SLC20A2: variants seen among roughly 807,000 people sequenced by gnomAD.
SLC20A2 encodes solute carrier family 20 member 2, also known as sodium-dependent phosphate transporter 2.
A neutral mutation model predicts 61.0 loss-of-function variants in SLC20A2; 30 were observed. That is an observed-to-expected ratio of 0.49 (90% CI 0.37 to 0.67). SLC20A2 has a LOEUF of 0.67. SLC20A2 is among the 30% of genes least tolerant of loss of function. The pLI is 0.00. For missense variants in SLC20A2, 626 were observed against 866.4 expected (o/e 0.72, Z 3.48); for synonymous variants, 351 against 353.3 (o/e 0.99, Z 0.07).
At chr8:42,523,485 G>C (rs1269773167) in intron 1 of SLC20A2, among the ~76,000 whole-genome samples, 1 of 152,180 alleles carries the variant, frequency 6.6e-6, no homozygotes, top group African/African-American at 2.4e-5. Context: ...TTTTGAGACA[G>C]GGCTAGTATC....
At chr8:42,525,348 G>A (rs914250290) in intron 1 of SLC20A2, among the ~76,000 whole-genome samples, 26 of 152,086 alleles carry the variant, frequency 1.7e-4, no homozygotes, top group African/African-American at 4.8e-4. Flanking sequence ...TTGGGAGACC[G>A]AGGTGGGTGG....
At chr8:42,473,957 G>A (rs1195781577) in intron 1 of SLC20A2, among the ~76,000 whole-genome samples, 1 of 152,094 alleles carries the variant, frequency 6.6e-6, no homozygotes, top group Non-Finnish European at 1.5e-5. Flanking sequence ...AATCACTTGA[G>A]GTCAGGAGTT....
intron 5 of SLC20A2, among the ~76,000 whole-genome samples, chr8:42,447,472 TG>T (rs1471871126): frequency 3.9e-5 from 6 of 152,054 alleles, no homozygotes; most frequent in Non-Finnish European, 7.4e-5. Flanking sequence ...GGTCAGGAGA[TG>T]GAGACCATCC....
chr8:42,536,967 C>T (rs537175628), intron 1 of SLC20A2, among the ~76,000 whole-genome samples: 1 of 151,776 alleles, frequency 6.6e-6, no homozygotes, highest in East Asian at 1.9e-4. Context: ...CACAACTATT[C>T]GGGAGGCTGA....
chr8:42,478,893 A>G, intron 1 of SLC20A2, among the ~76,000 whole-genome samples: 1 of 152,208 alleles, frequency 6.6e-6, no homozygotes, highest in East Asian at 1.9e-4. Context: ...AAAAAAAAAA[A>G]ACACAGTTCT....
intron 1 of SLC20A2, among the ~76,000 whole-genome samples, chr8:42,487,376 A>G (rs1367953372): frequency 6.8e-6 from 1 of 147,788 alleles, no homozygotes; most frequent in African/African-American, 2.5e-5. Context: ...ACGGGGTTTC[A>G]CCGTGTTAGC....
chr8:42,507,912 C>A (rs1810803678), intron 1 of SLC20A2, among the ~76,000 whole-genome samples: 1 of 152,224 alleles, frequency 6.6e-6, no homozygotes, highest in Non-Finnish European at 1.5e-5. Flanking sequence ...GTAATCCCAG[C>A]ACTTTGGGAG....
At chr8:42,453,170 A>G (rs1250482699) in intron 5 of SLC20A2, among the ~76,000 whole-genome samples, 1 of 152,234 alleles carries the variant, frequency 6.6e-6, no homozygotes, top group African/African-American at 2.4e-5. Context: ...GGGGCATGCC[A>G]TGAACTTTAG....
chr8:42,444,664 T>A lies in SLC20A2; in HGVS notation c.712A>T (p.Met238Leu), dbSNP rs1308896170. Residue 238 changes from methionine (M) to leucine (L), a missense_variant, in exon 6 of 11, where the codon ATG (methionine) becomes TTG (leucine). Around this residue, in one of 3 missense-constraint regions of SLC20A2, gnomAD observed 361 missense variants for 422.3 expected, o/e 0.85. Transcript: ENST00000520262. ...CCCATACCTGTTATTTTCCTCCGCA[T>A]CCACGGACACACGAAGAGCCACACA... ...FFVWLFVCPWMRRKITGKLQK... is the reference protein window; with the variant it reads ...FFVWLFVCPWLRRKITGKLQK... 1 of 1,613,428 alleles carries A rather than the reference T, an allele frequency of 6.2e-7. No homozygotes were observed. The highest frequency in any genetic ancestry group is 1.7e-5 in the Admixed American group (1 of 59,960).
chr8:42,506,463 G>A (rs1163588792), intron 1 of SLC20A2, among the ~76,000 whole-genome samples: 4 of 152,178 alleles, frequency 2.6e-5, no homozygotes, highest in Non-Finnish European at 5.9e-5. Context: ...ATAAACGGCC[G>A]GGGCCATTAT....
intron 3 of SLC20A2, among the ~76,000 whole-genome samples, chr8:42,464,512 C>G (rs1408712998): frequency 6.6e-6 from 1 of 152,062 alleles, no homozygotes; most frequent in Admixed American, 6.6e-5. Flanking sequence ...GCATCTTCCT[C>G]ACTTGTGCTC....
At chr8:42,495,003 C>T (rs1414527796) in intron 1 of SLC20A2, among the ~76,000 whole-genome samples, 1 of 151,782 alleles carries the variant, frequency 6.6e-6, no homozygotes, top group African/African-American at 2.4e-5. Flanking sequence ...TGTGCCACCA[C>T]ACTTGGCTAA....
chr8:42,470,912 G>A (rs1401031175), intron 2 of SLC20A2, among the ~76,000 whole-genome samples: 1 of 151,182 alleles, frequency 6.6e-6, no homozygotes, highest in Non-Finnish European at 1.5e-5. Flanking sequence ...AGGTGGAGGT[G>A]GCAGTGAGCG....
At chr8:42,467,949 C>T (rs1807315821) in intron 2 of SLC20A2, among the ~76,000 whole-genome samples, 5 of 150,828 alleles carry the variant, frequency 3.3e-5, no homozygotes, top group South Asian at 4.2e-4. Context: ...CGGGGTCTTG[C>T]TCTGTTGCCC....
intron 1 of SLC20A2, among the ~76,000 whole-genome samples, chr8:42,495,479 A>C (rs1158401959): frequency 6.6e-6 from 1 of 152,174 alleles, no homozygotes; most frequent in Non-Finnish European, 1.5e-5. Context: ...TACAGACACC[A>C]TGTTCATTGG....
At chr8:42,484,853 G>C (rs1808844126) in intron 1 of SLC20A2, 1 of 344,032 alleles carries the variant, frequency 2.9e-6, no homozygotes, top group Admixed American at 3.5e-5. Flanking sequence ...TGGGTGTTCT[G>C]CTTGCTGGTC....
intron 10 of SLC20A2, among the ~76,000 whole-genome samples, chr8:42,425,732 C>T (rs1311792441): frequency 6.6e-6 from 1 of 152,170 alleles, no homozygotes; most frequent in Non-Finnish European, 1.5e-5. Flanking sequence ...CCTAATACTA[C>T]TCATCACCAG....
intron 5 of SLC20A2, among the ~76,000 whole-genome samples, chr8:42,453,607 C>T (rs375023474): frequency 7.2e-5 from 11 of 152,302 alleles, no homozygotes; most frequent in African/African-American, 2.6e-4. Context: ...CATTGAAGGA[C>T]AAAATACCTT....
intron 1 of SLC20A2, among the ~76,000 whole-genome samples, chr8:42,510,378 T>C (rs751377268): frequency 6.6e-6 from 1 of 152,174 alleles, no homozygotes; most frequent in African/African-American, 2.4e-5. Context: ...CTGTATTGGA[T>C]AGAATGTGAA....
Sources: gnomAD v4.1 joint callset for allele counts (sites outside exome capture counted in the v4.1 genomes callset) on GRCh38, gnomAD v4.1.1 for gene constraint, gnomAD v4.1.1 regional missense constraint, MANE v1.5 for transcripts, NCBI Gene and HGNC (gene_info 2026-07-23, HGNC 2026-07-21) for gene names.